The following CPNE8 variants were observed in gnomAD, a reference collection of about 807,000 sequenced individuals.
CPNE8 encodes copine-8.
Under a neutral mutation model 81.5 loss-of-function variants are expected in CPNE8, and 45 were observed. The ratio of observed to expected loss-of-function variants is 0.55; its 90% CI spans 0.44 to 0.71. CPNE8 has a LOEUF of 0.71. CPNE8 is among the 30% of genes least tolerant of loss of function. CPNE8 has a pLI of 0.00. For synonymous variants in CPNE8, 252 were observed against 226.3 expected, an observed-to-expected ratio of 1.11 and a Z score of -1.02; for missense variants, 594 against 672.1, an observed-to-expected ratio of 0.88 and a Z score of 1.28.
intron 6 of CPNE8, among the ~76,000 whole-genome samples, 197 bp downstream of exon 6, chr12:38,829,182 T>C (rs190518214): frequency 6.6e-6 from 1 of 152,172 alleles, no homozygotes; most frequent in African/African-American, 2.4e-5. Context: ...CTTGTGAAAA[T>C]TTTTTAGCAT....
At chr12:38,656,842 G>C (rs1413941557) in intron 19 of CPNE8, among the ~76,000 whole-genome samples, 3 of 152,182 alleles carry the variant, frequency 2.0e-5, no homozygotes, top group African/African-American at 4.8e-5. Context: ...GCACAGACCA[G>C]AGAATAGACA....
chr12:38,796,616 G>A (rs1341532977), intron 6 of CPNE8, among the ~76,000 whole-genome samples: 6 of 152,154 alleles, frequency 3.9e-5, no homozygotes, highest in Non-Finnish European at 5.9e-5. Flanking sequence ...CAGCGTGAGT[G>A]ACGCAGAAGA....
At chr12:38,902,419 A>AAAGAAAGAAAGAAAGAAAG (rs1565670435) in intron 1 of CPNE8, among the ~76,000 whole-genome samples, 2 of 99,528 alleles carry the variant, frequency 2.0e-5, no homozygotes, top group Non-Finnish European at 3.7e-5. Context: ...AAGAAAGAAA[A>AAAGAAAGAAAGAAAGAAAG]AGAAAGAAAG....
chr12:38,689,884 G>A (rs941765174), intron 15 of CPNE8, among the ~76,000 whole-genome samples: 1 of 152,200 alleles, frequency 6.6e-6, no homozygotes, highest in Non-Finnish European at 1.5e-5. Context: ...TGAGAGGAGA[G>A]CAATGACTCA....
At chr12:38,829,848 G>T (rs1306713492) in intron 5 of CPNE8, among the ~76,000 whole-genome samples, 1 of 152,182 alleles carries the variant, frequency 6.6e-6, no homozygotes, top group East Asian at 1.9e-4. Context: ...GCTAATCCCA[G>T]TAACACTTAG....
intron 1 of CPNE8, among the ~76,000 whole-genome samples, chr12:38,888,283 AT>A (rs1484573315): frequency 6.6e-6 from 1 of 152,232 alleles, no homozygotes; most frequent in Admixed American, 6.5e-5. Flanking sequence ...ACATTTCAAC[AT>A]TTCAAAAGAA....
At chr12:38,676,597 G>C (rs1661229066) in intron 17 of CPNE8, among the ~76,000 whole-genome samples, 1 of 152,124 alleles carries the variant, frequency 6.6e-6, no homozygotes, top group Non-Finnish European at 1.5e-5. Flanking sequence ...AGTTAGTACT[G>C]TTATGCACTA....
At chr12:38,672,315 T>C (rs1323178553) in intron 18 of CPNE8, among the ~76,000 whole-genome samples, 1 of 152,224 alleles carries the variant, frequency 6.6e-6, no homozygotes, top group Non-Finnish European at 1.5e-5. Flanking sequence ...TGTATTAGCA[T>C]GAAGTCCTAT....
At chr12:38,748,869 G>T (rs1592059025) in intron 10 of CPNE8, among the ~76,000 whole-genome samples, 1 of 151,596 alleles carries the variant, frequency 6.6e-6, no homozygotes, top group South Asian at 2.1e-4. Flanking sequence ...AACAGCATTG[G>T]GTAATATATA....
At chr12:38,748,045 C>G (rs552424393) in intron 10 of CPNE8, among the ~76,000 whole-genome samples, 60 of 152,224 alleles carry the variant, frequency 3.9e-4, no homozygotes, top group African/African-American at 1.4e-3. Context: ...CAGTCTCACT[C>G]TGTCGCTCAG....
chr12:38,654,575 A>G (rs947298118), intron 19 of CPNE8, among the ~76,000 whole-genome samples: 4 of 151,868 alleles, frequency 2.6e-5, no homozygotes, highest in Non-Finnish European at 5.9e-5. Context: ...CTAAACTTAC[A>G]TAATATATGC....
chr12:38,798,488 C>G (rs1045433854), intron 6 of CPNE8, among the ~76,000 whole-genome samples: 2 of 152,000 alleles, frequency 1.3e-5, no homozygotes, highest in African/African-American at 4.8e-5. Context: ...ACTTTACAGA[C>G]AAGCAAATGC....
intron 17 of CPNE8, 43 bp from the exon 18 acceptor site, chr12:38,675,817 G>T: frequency 7.9e-7 from 1 of 1,265,380 alleles, no homozygotes; most frequent in Non-Finnish European, 1.2e-6. Flanking sequence ...AAGAAATTGA[G>T]TTCTTAAGAA....
intron 3 of CPNE8, among the ~76,000 whole-genome samples, chr12:38,865,843 G>T (rs1187485756): frequency 6.6e-6 from 1 of 152,166 alleles, no homozygotes; most frequent in East Asian, 1.9e-4. Context: ...GCAAAGTTCT[G>T]TCTAAAGTGT....
chr12:38,806,807 C>T (rs1942817577), intron 6 of CPNE8, among the ~76,000 whole-genome samples: 3 of 149,294 alleles, frequency 2.0e-5, no homozygotes, highest in African/African-American at 4.9e-5. Flanking sequence ...AAGAGGAAGT[C>T]AAATTGTCCC....
At chr12:38,868,582 T>G (rs1463292529) in intron 3 of CPNE8, among the ~76,000 whole-genome samples, 1 of 152,144 alleles carries the variant, frequency 6.6e-6, no homozygotes, top group Non-Finnish European at 1.5e-5. Flanking sequence ...ATGCAGCCTC[T>G]TATTCAATAC....
intron 10 of CPNE8, among the ~76,000 whole-genome samples, chr12:38,734,954 C>T (rs1318641566): frequency 6.6e-6 from 1 of 152,090 alleles, no homozygotes; most frequent in Non-Finnish European, 1.5e-5. Context: ...CAAGGCATGT[C>T]TCCCCTTTGG....
chr12:38,816,202 G>A (rs1345768142), intron 6 of CPNE8, among the ~76,000 whole-genome samples: 1 of 152,090 alleles, frequency 6.6e-6, no homozygotes, highest in Non-Finnish European at 1.5e-5. Flanking sequence ...ATGTGCAGGA[G>A]AGATACTTAA....
chr12:38,855,266 A>C (rs2137069793), intron 3 of CPNE8, among the ~76,000 whole-genome samples: 1 of 152,240 alleles, frequency 6.6e-6, no homozygotes, highest in South Asian at 2.1e-4. Flanking sequence ...AAACTATTCT[A>C]TGTTCATGGA....
Sources: gnomAD v4.1 joint callset for allele counts (sites outside exome capture counted in the v4.1 genomes callset) on GRCh38, gnomAD v4.1.1 for gene constraint, MANE v1.5 for transcripts, NCBI Gene and HGNC (gene_info 2026-07-23, HGNC 2026-07-21) for gene names.